The following GRID1 variants were observed in gnomAD, a reference collection of about 807,000 sequenced individuals.
GRID1 encodes the protein glutamate ionotropic receptor delta type subunit 1.
A neutral mutation model predicts 98.0 loss-of-function variants in GRID1; 28 were observed. The ratio of observed to expected loss-of-function variants is 0.29; its 90% CI spans 0.21 to 0.39. The LOEUF is 0.39. Ranked by LOEUF, GRID1 falls within the 10% of genes least tolerant of loss-of-function variation. The probability of loss-of-function intolerance (pLI) is 1.00; values close to 1 mark genes in which losing one functional copy is unlikely to be tolerated. For missense variants in GRID1, 1,111 were observed against 1,340.5 expected (o/e 0.83, Z 2.67); for synonymous variants, 553 against 538.5 (o/e 1.03, Z -0.37).
At position 86,365,407 on chromosome 10, in the gene GRID1, T is replaced by C. The variant is rs1848662053; in HGVS notation, c.79+907A>G. Among the ~76,000 whole-genome samples, 1 of 148,026 alleles carries C rather than the reference T, an allele frequency of 6.8e-6. No individual in the cohort carries two copies. Among genetic ancestry groups the C allele is most frequent in the Admixed American group, 6.7e-5 (1 of 14,948 alleles). ...CCAACTCGGCCCAACTTCCCGAGAT[T>C]CCTCCCGTGTTGCTCCCAACTCCCA... is the stretch of plus-strand genomic sequence containing the variant. On this transcript the variant is annotated intron_variant, in intron 1 of 15. Coordinates refer to ENST00000327946, the MANE Select transcript of GRID1 (RefSeq NM_017551.3). The surrounding 1 kb of genome is among the most constrained non-coding windows in gnomAD (Gnocchi z 4.8).
At chr10:86,303,180 T>C (rs1433450839) in intron 2 of GRID1, among the ~76,000 whole-genome samples, 2 of 152,310 alleles carry the variant, frequency 1.3e-5, no homozygotes, top group Non-Finnish European at 2.9e-5. Context: ...TGTTTAGAAG[T>C]AAAATGCCAT....
At chr10:85,605,628 G>A (rs1842650071) in intron 15 of GRID1, 1 of 152,238 alleles carries the variant, frequency 6.6e-6, no homozygotes, top group Admixed American at 6.5e-5. Flanking sequence ...GGAAGCAGGT[G>A]TCTAGGTTCC....
At chr10:85,714,979 G>T (rs894116170) in intron 12 of GRID1, among the ~76,000 whole-genome samples, 2 of 152,032 alleles carry the variant, frequency 1.3e-5, no homozygotes, top group Admixed American at 1.3e-4. Context: ...CACACTACCT[G>T]ATTTCGAAAT....
At chr10:85,951,223 G>A (rs1271029370) in intron 4 of GRID1, among the ~76,000 whole-genome samples, 1 of 152,214 alleles carries the variant, frequency 6.6e-6, no homozygotes, top group African/African-American at 2.4e-5. Flanking sequence ...CTGGGCTCCA[G>A]GAGGGCAAGG....
chr10:86,101,588 G>T (rs1844296509), intron 4 of GRID1, among the ~76,000 whole-genome samples: 1 of 151,072 alleles, frequency 6.6e-6, no homozygotes, highest in Non-Finnish European at 1.5e-5. Context: ...ATCTCATGTT[G>T]CTGTATGTAA....
At chr10:86,156,334 A>G (rs1430670828) in intron 3 of GRID1, among the ~76,000 whole-genome samples, 1 of 152,210 alleles carries the variant, frequency 6.6e-6, no homozygotes, top group Non-Finnish European at 1.5e-5. Flanking sequence ...GGCACTGGCC[A>G]CAGCTCATTA....
At chr10:86,263,290 C>T (rs1489444308) in intron 2 of GRID1, among the ~76,000 whole-genome samples, 1 of 152,272 alleles carries the variant, frequency 6.6e-6, no homozygotes, top group Non-Finnish European at 1.5e-5. Flanking sequence ...ATTCAATTCC[C>T]TTCGCGCCAC....
chr10:85,771,952 T>C (rs1407954103), intron 8 of GRID1, among the ~76,000 whole-genome samples: 4 of 151,984 alleles, frequency 2.6e-5, no homozygotes, highest in East Asian at 1.9e-4. Flanking sequence ...GAATTGAACT[T>C]AGCTCTGCAC....
intron 12 of GRID1, among the ~76,000 whole-genome samples, chr10:85,655,879 G>C (rs1202450164): frequency 2.0e-5 from 3 of 151,856 alleles, no homozygotes; most frequent in Non-Finnish European, 4.4e-5. Context: ...CCTTCTCAAA[G>C]TACATTGCTC....
chr10:85,690,574 G>C (rs1841320811), intron 12 of GRID1, among the ~76,000 whole-genome samples: 1 of 152,252 alleles, frequency 6.6e-6, no homozygotes, highest in East Asian at 1.9e-4. Flanking sequence ...TGATTTGCCA[G>C]TCTAAAAAGT....
At chr10:85,950,205 T>C (rs1250439086) in intron 4 of GRID1, among the ~76,000 whole-genome samples, 3 of 152,162 alleles carry the variant, frequency 2.0e-5, no homozygotes, top group Admixed American at 6.5e-5. Context: ...CTAAAGTATA[T>C]GCCTGAAGAG....
chr10:85,747,933 T>C (rs1302107170), intron 8 of GRID1, among the ~76,000 whole-genome samples: 1 of 152,174 alleles, frequency 6.6e-6, no homozygotes, highest in Non-Finnish European at 1.5e-5. Flanking sequence ...AACTCAGATA[T>C]GAAGATAACC....
At chr10:85,649,608 A>C (rs1234301741) in intron 12 of GRID1, among the ~76,000 whole-genome samples, 1 of 152,154 alleles carries the variant, frequency 6.6e-6, no homozygotes, top group East Asian at 1.9e-4. Flanking sequence ...GAGCTGCTCT[A>C]AATTGCTGCA....
intron 5 of GRID1, among the ~76,000 whole-genome samples, chr10:85,883,362 T>C (rs1589286832): frequency 6.6e-6 from 1 of 152,260 alleles, no homozygotes; most frequent in Non-Finnish European, 1.5e-5. Context: ...ACTTATTTAA[T>C]ATTCTACGTC....
chr10:85,783,144 T>A (rs34169900), intron 8 of GRID1, among the ~76,000 whole-genome samples: 3,527 of 152,272 alleles, frequency 0.023, 69 homozygotes, highest in Non-Finnish European at 0.037. Flanking sequence ...GGATTAAAAC[T>A]GTTTTTGGCA....
chr10:86,330,886 C>A (rs1848131106), intron 2 of GRID1, among the ~76,000 whole-genome samples: 1 of 152,226 alleles, frequency 6.6e-6, no homozygotes, highest in Admixed American at 6.5e-5. Context: ...CGTCACCTTG[C>A]AGGAGCTTAG....
intron 2 of GRID1, among the ~76,000 whole-genome samples, chr10:86,226,084 G>A (rs990141145): frequency 2.0e-5 from 3 of 152,062 alleles, no homozygotes; most frequent in African/African-American, 7.3e-5. Flanking sequence ...AAGGACAGAG[G>A]CATGAGAAGC....
At chr10:86,050,637 C>T (rs1471245300) in intron 4 of GRID1, among the ~76,000 whole-genome samples, 1 of 152,070 alleles carries the variant, frequency 6.6e-6, no homozygotes, top group Non-Finnish European at 1.5e-5. Context: ...CTGACCTTGA[C>T]TGCATAAATC....
chr10:85,920,353 C>T (rs1285380058), intron 4 of GRID1, among the ~76,000 whole-genome samples: 1 of 152,162 alleles, frequency 6.6e-6, no homozygotes, highest in Non-Finnish European at 1.5e-5. Flanking sequence ...GATGATCAGT[C>T]AGCGCAAAGT....
Sources: gnomAD v4.1 joint callset for allele counts (sites outside exome capture counted in the v4.1 genomes callset) on GRCh38, gnomAD v4.1.1 for gene constraint, Gnocchi (gnomAD v3.1) non-coding constraint, MANE v1.5 for transcripts, NCBI Gene and HGNC (gene_info 2026-07-23, HGNC 2026-07-21) for gene names.